USH2A: variants seen among roughly 807,000 people sequenced by gnomAD.
The protein encoded by USH2A is Usher syndrome 2A (autosomal recessive, mild).
A neutral mutation model predicts 538.9 loss-of-function variants in USH2A; 443 were observed. The observed-to-expected ratio is 0.82, with a 90% CI of 0.76 to 0.89. USH2A has a LOEUF of 0.89. USH2A is among the 40% of genes least tolerant of loss of function. The pLI, the probability that USH2A is intolerant of heterozygous loss-of-function variation, is 0.00. For missense variants in USH2A, 6,633 were observed against 6,324.8 expected, an observed-to-expected ratio of 1.05 and a Z score of -1.65; for synonymous variants, 2,413 against 2,273.5, an observed-to-expected ratio of 1.06 and a Z score of -1.75.
rs1196719382 is a variant in USH2A, at chr1:216,099,443, C to T, written c.4628-2230G>A. On this transcript the variant is annotated intron_variant, in intron 21 of 71. Coordinates refer to ENST00000307340, the MANE Select transcript of USH2A (RefSeq NM_206933.4). ...ATTAAGTGCACTGAAATGATTGAGCCACCCATTTGAAACATATCCCATAAA... is the reference window on the plus strand; with the variant it reads ...ATTAAGTGCACTGAAATGATTGAGCTACCCATTTGAAACATATCCCATAAA... Among the ~76,000 whole-genome samples the T allele has an allele frequency of 4.6e-5, 7 of 152,072 alleles. No individual in the cohort carries two copies. The South Asian group carries it at 1.5e-3, about 32-fold the overall frequency.
At chr1:216,216,304 A>T (rs1195698492) in intron 15 of USH2A, among the ~76,000 whole-genome samples, 3 of 152,254 alleles carry the variant, frequency 2.0e-5, no homozygotes, top group African/African-American at 7.2e-5. Flanking sequence ...GAAATGCGGG[A>T]TGCTGAAGAG....
At chr1:215,930,189 T>C (rs1162630873) in intron 38 of USH2A, among the ~76,000 whole-genome samples, 1 of 152,034 alleles carries the variant, frequency 6.6e-6, no homozygotes, top group East Asian at 1.9e-4. Context: ...CCTTTCACTG[T>C]TACAATAAAG....
chr1:216,159,597 GATT>G (rs931833594), intron 21 of USH2A, among the ~76,000 whole-genome samples: 15 of 150,712 alleles, frequency 1.0e-4, no homozygotes, highest in Admixed American at 4.0e-4. Flanking sequence ...CTACTTTTGT[GATT>G]ATTATTGACC....
At chr1:216,376,487 T>C (rs549941267) in intron 3 of USH2A, among the ~76,000 whole-genome samples, 72 of 30,208 alleles carry the variant, frequency 2.4e-3, no homozygotes, top group Non-Finnish European at 6.4e-3. Context: ...ATCCCTATTC[T>C]TTCAAATATT....
At chr1:216,367,763 T>C (rs1426720305) in intron 3 of USH2A, among the ~76,000 whole-genome samples, 1 of 152,202 alleles carries the variant, frequency 6.6e-6, no homozygotes, top group African/African-American at 2.4e-5. Context: ...CTCTAAACTA[T>C]TTTACAATTC....
chr1:215,908,613 G>A (rs1204014519), intron 38 of USH2A, among the ~76,000 whole-genome samples: 1 of 151,568 alleles, frequency 6.6e-6, no homozygotes, highest in East Asian at 1.9e-4. Flanking sequence ...AAATATATGT[G>A]CACATAATTA....
intron 35 of USH2A, among the ~76,000 whole-genome samples, chr1:215,982,968 G>C (rs759840738): frequency 2.6e-5 from 4 of 152,018 alleles, no homozygotes; most frequent in Non-Finnish European, 4.4e-5. Context: ...TTTATTTATT[G>C]AGATGGAGTT....
At chr1:216,203,243 A>G (rs1361491809) in intron 16 of USH2A, among the ~76,000 whole-genome samples, 1 of 151,798 alleles carries the variant, frequency 6.6e-6, no homozygotes, top group East Asian at 1.9e-4. Flanking sequence ...ATATATACAC[A>G]TATACACATA....
chr1:215,846,441 T>C (rs1161363240), intron 44 of USH2A, among the ~76,000 whole-genome samples: 10 of 152,174 alleles, frequency 6.6e-5, no homozygotes, highest in African/African-American at 2.4e-4. Context: ...CTCAAACTTC[T>C]GGCCTCAAGT....
chr1:216,106,635 G>T (rs2032742458), intron 21 of USH2A, among the ~76,000 whole-genome samples: 1 of 149,478 alleles, frequency 6.7e-6, no homozygotes, highest in Non-Finnish European at 1.5e-5. Context: ...TCAATTCTGG[G>T]CTTTGCTTTC....
intron 35 of USH2A, among the ~76,000 whole-genome samples, chr1:215,991,234 G>T (rs1461307157): frequency 6.6e-6 from 1 of 152,168 alleles, no homozygotes; most frequent in African/African-American, 2.4e-5. Context: ...GGCTAGAAAG[G>T]AAGATATGTT....
chr1:215,944,287 A>T (rs80201668), intron 37 of USH2A, among the ~76,000 whole-genome samples: 2 of 152,254 alleles, frequency 1.3e-5, no homozygotes, highest in Non-Finnish European at 2.9e-5. Flanking sequence ...TGCAAAGTCT[A>T]AAGTGTTTAC....
intron 11 of USH2A, among the ~76,000 whole-genome samples, chr1:216,268,494 A>G (rs933126921): frequency 2.0e-5 from 3 of 152,166 alleles, no homozygotes; most frequent in African/African-American, 7.2e-5. Flanking sequence ...TACATTTCAC[A>G]CTGGTATAGA....
chr1:215,863,121 G>A (rs1664364373), intron 44 of USH2A, among the ~76,000 whole-genome samples: 1 of 152,144 alleles, frequency 6.6e-6, no homozygotes, highest in Middle Eastern at 3.2e-3. Context: ...TAGTCAGTAA[G>A]GGATCATTCA....
rs903296159 is a variant in USH2A at position 215,817,105 on chromosome 1, A to G, written c.9462T>C (p.Ala3154=). 1.9e-6 allele frequency: 3 copies of G among 1,612,934 alleles called. No homozygotes were observed. The highest frequency in any genetic ancestry group is 1.7e-6 in the Non-Finnish European group (2 of 1,179,120). Residue 3154 remains alanine (A), a synonymous_variant, in exon 48 of 72, where the codon GCT becomes GCC. Coordinates refer to ENST00000307340, the MANE Select transcript of USH2A (RefSeq NM_206933.4). ...GATCCTGCACTAACTTTTGAGTTTTAGCGCATGGATACCATGTTTTCCATA... is the reference window on the plus strand; with the variant it reads ...GATCCTGCACTAACTTTTGAGTTTTGGCGCATGGATACCATGTTTTCCATA... ...DLLWKTWYPC[A]KTQKLVQDQS...
chr1:216,056,591 G>A (rs1490915626), intron 30 of USH2A, among the ~76,000 whole-genome samples: 1 of 152,112 alleles, frequency 6.6e-6, no homozygotes, highest in African/African-American at 2.4e-5. Context: ...AACAATAATA[G>A]CACACTTTTT....
chr1:216,415,451 A>C (rs1476359073), intron 3 of USH2A, among the ~76,000 whole-genome samples: 2 of 151,734 alleles, frequency 1.3e-5, no homozygotes, highest in African/African-American at 4.8e-5. Context: ...TTAAGACTAC[A>C]GAGTAGCATA....
chr1:215,731,743 AG>A (rs1170578899), intron 60 of USH2A, among the ~76,000 whole-genome samples: 11 of 152,314 alleles, frequency 7.2e-5, no homozygotes, highest in Admixed American at 5.2e-4. Context: ...TATTTTCAAA[AG>A]CAATTAAAAC....
chr1:215,788,074 T>G (rs963913944), intron 51 of USH2A, among the ~76,000 whole-genome samples: 1 of 152,090 alleles, frequency 6.6e-6, no homozygotes, highest in African/African-American at 2.4e-5. Context: ...TCTATATCTA[T>G]CTATCTATCC....
Sources: allele counts gnomAD v4.1 joint callset (sites outside exome capture counted in the v4.1 genomes callset), GRCh38; gene constraint gnomAD v4.1.1; transcripts MANE v1.5; gene names NCBI Gene and HGNC (gene_info 2026-07-23, HGNC 2026-07-21).